The following DNAH5 variants were observed in gnomAD, a reference collection of about 807,000 sequenced individuals.
The protein encoded by DNAH5 is axonemal beta dynein heavy chain 5.
A neutral mutation model predicts 518.2 loss-of-function variants in DNAH5; 372 were observed. The ratio of observed to expected loss-of-function variants is 0.72; its 90% CI spans 0.66 to 0.78. DNAH5 has a LOEUF of 0.78. DNAH5 is among the 30% of genes least tolerant of loss of function. The probability of loss-of-function intolerance (pLI) is 0.00; values close to 1 mark genes in which losing one functional copy is unlikely to be tolerated. For synonymous variants in DNAH5, 2,039 were observed against 2,025.9 expected, an observed-to-expected ratio of 1.01 and a Z score of -0.17; for missense variants, 5,523 against 5,687.0, an observed-to-expected ratio of 0.97 and a Z score of 0.93.
At chr5:13,716,715 T>G (rs758247290) in intron 73 of DNAH5, 25 bp from the exon 74 acceptor site, 1 of 1,508,672 alleles carries the variant, frequency 6.6e-7, no homozygotes, top group Non-Finnish European at 9.2e-7. Context: ...AGAATAATTA[T>G]GTAGAACTGA....
chr5:13,751,637 A>G (rs1214387427), intron 64 of DNAH5, among the ~76,000 whole-genome samples: 3 of 152,162 alleles, frequency 2.0e-5, no homozygotes, highest in African/African-American at 4.8e-5. Context: ...TACTCACTTG[A>G]TAAGATTTTG....
At chr5:13,874,673 A>T (rs1770615687) in intron 22 of DNAH5, among the ~76,000 whole-genome samples, 1 of 152,140 alleles carries the variant, frequency 6.6e-6, no homozygotes, top group African/African-American at 2.4e-5. Flanking sequence ...ATCTGCCACC[A>T]TGCCTAGCTA....
chr5:13,916,665 A>C (rs1776677718), intron 8 of DNAH5, among the ~76,000 whole-genome samples: 1 of 152,108 alleles, frequency 6.6e-6, no homozygotes, highest in South Asian at 2.1e-4. Flanking sequence ...AGTGGAAGAA[A>C]CATTGACCCA....
intron 71 of DNAH5, among the ~76,000 whole-genome samples, chr5:13,719,672 T>A (rs1352424447): frequency 6.6e-6 from 1 of 152,130 alleles, no homozygotes; most frequent in African/African-American, 2.4e-5. Context: ...AGGGTCTAGA[T>A]TGGAGGATAC....
At position 13,871,529 on chromosome 5, in the gene DNAH5, A is replaced by G. The variant is rs1486470871; in HGVS notation, c.3598+35T>C. The G allele has an allele frequency of 1.9e-6, 3 of 1,539,130 alleles. No homozygotes were observed. The South Asian group carries it at 3.4e-5, about 17-fold the overall frequency. On this transcript the variant is annotated intron_variant, in intron 23 of 78. Transcript: ENST00000265104. Reference sequence around the variant, plus strand: ...GTAAAGAGGCAGAACAATAATGGCTAATTTATATAACTATATGAAAGAAAA... The same window carrying G: ...GTAAAGAGGCAGAACAATAATGGCTGATTTATATAACTATATGAAAGAAAA...
intron 35 of DNAH5, among the ~76,000 whole-genome samples, chr5:13,837,692 C>CTTTTTT (rs534618242): frequency 2.1e-5 from 2 of 95,108 alleles, no homozygotes; most frequent in Non-Finnish European, 4.2e-5. Flanking sequence ...GGGAACTCCA[C>CTTTTTT]TTTTTTTTTT....
At chr5:13,698,716 G>C (rs776197445) in intron 78 of DNAH5, among the ~76,000 whole-genome samples, 4 of 152,066 alleles carry the variant, frequency 2.6e-5, no homozygotes, top group Non-Finnish European at 5.9e-5. Context: ...CCCAAAAATT[G>C]AAAAACATAG....
At chr5:13,916,323 C>T in intron 9 of DNAH5, 25 bp downstream of exon 9, 1 of 1,246,530 alleles carries the variant, frequency 8.0e-7, no homozygotes, top group Non-Finnish European at 1.2e-6. Context: ...TACAAATGAA[C>T]ATGGACTCTA....
At chr5:13,939,721 A>C (rs10070196) in intron 1 of DNAH5, among the ~76,000 whole-genome samples, 95,590 of 151,934 alleles carry the variant, frequency 0.63, 30,856 homozygotes, top group Non-Finnish European at 0.67. Context: ...GTACTTTTCA[A>C]GTCTTGCCTT....
At chr5:13,841,403 T>A (rs990091326) in intron 33 of DNAH5, among the ~76,000 whole-genome samples, 1 of 152,216 alleles carries the variant, frequency 6.6e-6, no homozygotes, top group Non-Finnish European at 1.5e-5. Flanking sequence ...TTTTCATGAT[T>A]TTTGTACATT....
intron 55 of DNAH5, 149 bp from the exon 56 acceptor site, chr5:13,771,129 G>A: frequency 3.0e-6 from 2 of 665,536 alleles, no homozygotes; most frequent in East Asian, 2.7e-5. Context: ...AGCATTTTTG[G>A]CCCCAGGCCT....
At chr5:13,921,072 G>A (rs977986451) in intron 5 of DNAH5, among the ~76,000 whole-genome samples, 9 of 152,030 alleles carry the variant, frequency 5.9e-5, no homozygotes, top group South Asian at 4.2e-4. Context: ...AAAACTTAAC[G>A]TATAATAATA....
rs2126557030 is a variant in DNAH5, at chr5:13,726,139, A to C, written c.12033+1368T>G. Among the ~76,000 whole-genome samples the C allele has an allele frequency of 2.0e-5, 3 of 152,352 alleles. No individual in the cohort carries two copies. In the Middle Eastern group the frequency reaches 0.01, roughly 518 times the overall value. ...TTGAATGTATCTACATTGTAGACCT[A>C]CTAATATGCTTCCCAGAAAGTTGTC... On this transcript the variant is annotated intron_variant, in intron 70 of 78. Transcript: ENST00000265104.
Position 13,867,925 on chromosome 5 carries a change from G to T in DNAH5, c.3902C>A (p.Thr1301Lys). The change falls in exon 25 of 79, where the codon ACA (threonine) becomes AAA (lysine). Residue 1301 changes from threonine (T) to lysine (K), a missense_variant. Physicochemically the swap from Thr to Lys is moderately conservative, Grantham distance 78. Around this residue, in one of 3 missense-constraint regions of DNAH5, gnomAD observed 5,121 missense variants for 5,223.3 expected, o/e 0.98. Coordinates refer to ENST00000265104, the MANE Select transcript of DNAH5 (RefSeq NM_001369.3). Reference sequence around the variant, plus strand: ...CAGCTTCTCCCAAGCATAGTGCAGTGTATCAACTTTGTCTATCTCTTCCCT... The same window carrying T: ...CAGCTTCTCCCAAGCATAGTGCAGTTTATCAACTTTGTCTATCTCTTCCCT... ...IAREEIDKVD[T>K]LHYAWEKLLA... The T allele has an allele frequency of 2.5e-6, 4 of 1,614,008 alleles. No individual in the cohort carries two copies. The highest frequency in any genetic ancestry group is 3.4e-6 in the Non-Finnish European group (4 of 1,179,970).
intron 31 of DNAH5, among the ~76,000 whole-genome samples, chr5:13,848,422 T>A (rs900540747): frequency 3.3e-5 from 5 of 152,232 alleles, no homozygotes; most frequent in Admixed American, 3.3e-4. Context: ...TTTCAATTTT[T>A]CCATAGACCA....
intron 78 of DNAH5, 21 bp downstream of exon 78, chr5:13,700,619 T>C (rs1159275489): frequency 1.9e-6 from 3 of 1,602,122 alleles, no homozygotes; most frequent in Non-Finnish European, 2.6e-6. Flanking sequence ...GAGCCCTTAC[T>C]GAAGGTACAA....
At chr5:13,844,248 G>C (rs1050206670) in intron 32 of DNAH5, among the ~76,000 whole-genome samples, 1 of 152,188 alleles carries the variant, frequency 6.6e-6, no homozygotes, top group African/African-American at 2.4e-5. Context: ...CTAGGGGTTT[G>C]TATGAAGCAC....
chr5:13,859,651 CT>C (rs1768109756), intron 29 of DNAH5, 46 bp from the exon 30 acceptor site: 1 of 1,576,792 alleles, frequency 6.3e-7, no homozygotes. Context: ...TTTTGTTGTG[CT>C]GTTGTTTCAA....
chr5:13,960,009 C>G (rs1781058995), intron 1 of DNAH5, among the ~76,000 whole-genome samples: 1 of 151,850 alleles, frequency 6.6e-6, no homozygotes, highest in Non-Finnish European at 1.5e-5. Flanking sequence ...GGAAAAACAC[C>G]CCCAGAACTG....
Sources: allele counts gnomAD v4.1 joint callset (sites outside exome capture counted in the v4.1 genomes callset), GRCh38; gene constraint gnomAD v4.1.1; regional missense constraint gnomAD v4.1.1; transcripts MANE v1.5; gene names NCBI Gene and HGNC (gene_info 2026-07-23, HGNC 2026-07-21).